The following LRRC4C variants were observed in gnomAD, a reference collection of about 807,000 sequenced individuals.
LRRC4C encodes the protein leucine rich repeat containing 4C.
LRRC4C carries 5 observed loss-of-function variants against 33.6 expected under a neutral mutation model. The ratio of observed to expected loss-of-function variants is 0.15; its 90% CI spans 0.08 to 0.31. LRRC4C has a LOEUF of 0.31. LRRC4C is among the 10% of genes least tolerant of loss of function. The probability of loss-of-function intolerance (pLI) is 1.00; values close to 1 mark genes in which losing one functional copy is unlikely to be tolerated. For missense variants in LRRC4C, 560 were observed against 796.7 expected (o/e 0.70, Z 3.58); for synonymous variants, 329 against 302.0 (o/e 1.09, Z -0.93).
intron 1 of LRRC4C, among the ~76,000 whole-genome samples, chr11:41,034,945 T>A (rs1488998658): frequency 6.6e-6 from 1 of 150,394 alleles, no homozygotes; most frequent in Non-Finnish European, 1.5e-5. Context: ...CGTTGGTATT[T>A]TATTTACTTT....
chr11:41,309,455 C>T (rs1259427238), intron 1 of LRRC4C, among the ~76,000 whole-genome samples: 1 of 152,168 alleles, frequency 6.6e-6, no homozygotes, highest in African/African-American at 2.4e-5. Context: ...ATAGCTGCTT[C>T]TTTTGAGGTT....
chr11:41,424,599 T>C (rs1302478833), intron 1 of LRRC4C, among the ~76,000 whole-genome samples: 1 of 151,996 alleles, frequency 6.6e-6, no homozygotes. Flanking sequence ...TTTGGACCAG[T>C]TACCAAGTAC....
intron 3 of LRRC4C, among the ~76,000 whole-genome samples, chr11:40,477,970 G>A (rs1459872763): frequency 6.6e-6 from 1 of 152,170 alleles, no homozygotes; most frequent in East Asian, 1.9e-4. Flanking sequence ...TGAGGACTGA[G>A]AGTTTTACAA....
At chr11:41,304,716 A>G (rs1453908145) in intron 1 of LRRC4C, among the ~76,000 whole-genome samples, 2 of 74,098 alleles carry the variant, frequency 2.7e-5, no homozygotes, top group African/African-American at 5.2e-5. Flanking sequence ...TCCGGGAGGG[A>G]GGTGGGGGTA....
chr11:40,265,916 T>C (rs945053188), intron 4 of LRRC4C, among the ~76,000 whole-genome samples: 1 of 152,204 alleles, frequency 6.6e-6, no homozygotes, highest in South Asian at 2.1e-4. Flanking sequence ...TAAACAGATA[T>C]AGACAGTCCA....
intron 1 of LRRC4C, among the ~76,000 whole-genome samples, chr11:41,354,773 T>G (rs953485335): frequency 1.3e-5 from 2 of 152,042 alleles, no homozygotes; most frequent in Non-Finnish European, 2.9e-5. Context: ...CCCTATTCAA[T>G]AAATAATGGA....
chr11:40,120,889 G>A (rs1855775410), intron 6 of LRRC4C, among the ~76,000 whole-genome samples: 1 of 152,164 alleles, frequency 6.6e-6, no homozygotes, highest in Non-Finnish European at 1.5e-5. Context: ...TTAAAATTGA[G>A]AAAGTTACTT....
intron 1 of LRRC4C, among the ~76,000 whole-genome samples, chr11:41,281,042 T>TTCTCTCTCTC (rs71063910): frequency 0.042 from 3,155 of 75,794 alleles, 257 homozygotes; most frequent in African/African-American, 0.079. Context: ...AATACATATT[T>TTCTCTCTCTC]TCTCTCTCTC....
chr11:40,634,696 C>T (rs1420411839), intron 3 of LRRC4C, among the ~76,000 whole-genome samples: 2 of 150,188 alleles, frequency 1.3e-5, no homozygotes, highest in Non-Finnish European at 3.0e-5. Flanking sequence ...ATAGTGCGGC[C>T]TATTTCTTCA....
At chr11:40,688,058 G>C (rs945963407) in intron 2 of LRRC4C, among the ~76,000 whole-genome samples, 6 of 151,976 alleles carry the variant, frequency 3.9e-5, no homozygotes, top group Non-Finnish European at 7.4e-5. Flanking sequence ...GAATGGAATG[G>C]GAGCTTACAA....
At chr11:41,448,274 A>G (rs1424043325) in intron 1 of LRRC4C, among the ~76,000 whole-genome samples, 1 of 150,322 alleles carries the variant, frequency 6.7e-6, no homozygotes, top group Non-Finnish European at 1.5e-5. Flanking sequence ...TTCAGGATAG[A>G]ACTTAGCAAC....
At chr11:40,889,419 A>G (rs1482893030) in intron 2 of LRRC4C, among the ~76,000 whole-genome samples, 2 of 152,206 alleles carry the variant, frequency 1.3e-5, no homozygotes, top group East Asian at 1.9e-4. Context: ...AATTGCTTCC[A>G]TTGTGGGGAG....
chr11:40,929,354 T>A (rs553284440), intron 2 of LRRC4C, among the ~76,000 whole-genome samples: 72 of 152,280 alleles, frequency 4.7e-4, no homozygotes, highest in Admixed American at 1.3e-3. Context: ...TGCAATATAT[T>A]CATGTAACAA....
intron 1 of LRRC4C, among the ~76,000 whole-genome samples, chr11:40,952,977 T>C (rs1431180592): frequency 1.3e-5 from 2 of 151,234 alleles, no homozygotes; most frequent in African/African-American, 4.9e-5. Flanking sequence ...CCCTGTATGG[T>C]TGTAAAATCA....
rs76974415 is a variant in LRRC4C, at chr11:40,226,781, G to A, written c.-96+14738C>T. ...AGGGGACAGCTTAAATTATCTTCTA[G>A]GATTAAAATGTAGTTTATATCGCAT... On this transcript the variant is annotated intron_variant, in intron 5 of 6. Transcript: ENST00000528697. Among the ~76,000 whole-genome samples, 512 of 152,114 alleles carry A rather than the reference G, an allele frequency of 3.4e-3. 3 individuals are homozygous for A. Among genetic ancestry groups the A allele is most frequent in the African/African-American group, 0.011 (476 of 41,490 alleles).
At chr11:41,189,055 C>G (rs1945830500) in intron 1 of LRRC4C, among the ~76,000 whole-genome samples, 1 of 152,082 alleles carries the variant, frequency 6.6e-6, no homozygotes, top group Non-Finnish European at 1.5e-5. Flanking sequence ...GGTCAAAAGA[C>G]TGACTCACCT....
intron 4 of LRRC4C, among the ~76,000 whole-genome samples, chr11:40,317,330 C>T (rs1465518772): frequency 6.6e-6 from 1 of 151,894 alleles, no homozygotes; most frequent in Non-Finnish European, 1.5e-5. Context: ...ATTCTTGTTT[C>T]ATCACAGTAT....
intron 1 of LRRC4C, among the ~76,000 whole-genome samples, chr11:41,336,616 A>G (rs1174199341): frequency 6.6e-6 from 1 of 152,232 alleles, no homozygotes; most frequent in African/African-American, 2.4e-5. Context: ...CTGTGTAGCT[A>G]TCAGAAGACT....
rs370136867 is a variant in LRRC4C at position 40,437,449 on chromosome 11, A to G, written c.-269-117728T>C. ...TGCTCTGTCACCCAGGCTGGAGTGC[A>G]GTGGCACAATCCCGGCTCACTGTAG... On this transcript the variant is annotated intron_variant, in intron 3 of 6. Coordinates refer to ENST00000528697, the MANE Select transcript of LRRC4C (RefSeq NM_001258419.2). 4.0e-5 allele frequency among the ~76,000 whole-genome samples: 6 copies of G among 150,506 alleles called. No homozygotes were observed. The East Asian group carries it at 9.8e-4, about 25-fold the overall frequency.
Sources: gnomAD v4.1 joint callset for allele counts (sites outside exome capture counted in the v4.1 genomes callset) on GRCh38, gnomAD v4.1.1 for gene constraint, MANE v1.5 for transcripts, NCBI Gene and HGNC (gene_info 2026-07-23, HGNC 2026-07-21) for gene names.